AFG3L2: variants seen among roughly 807,000 people sequenced by gnomAD.
The protein encoded by AFG3L2 is AFG3 like matrix AAA peptidase subunit 2, also known as mitochondrial inner membrane m-AAA protease component AFG3L2.
In AFG3L2, 54 loss-of-function variants were observed where a neutral mutation model predicts 94.5. The ratio of observed to expected loss-of-function variants is 0.57; its 90% CI spans 0.46 to 0.72. AFG3L2 has a LOEUF of 0.72. Among genes scored for constraint, AFG3L2 ranks in the 30% least tolerant of loss-of-function variants. AFG3L2 has a pLI of 0.00. For synonymous variants in AFG3L2, 377 were observed against 365.5 expected (o/e 1.03, Z -0.36); for missense variants, 754 against 994.9 (o/e 0.76, Z 3.26).
chr18:12,340,627 G>A lies in AFG3L2; in HGVS notation c.1780-226C>T, dbSNP rs143905181. On this transcript the variant is annotated intron_variant, in intron 14 of 16. Coordinates refer to ENST00000269143, the MANE Select transcript of AFG3L2 (RefSeq NM_006796.3). ...TTTCTTGAGATTGAGATTGAGTCCT[G>A]CTCTGTCACCCAGGCTGGAGTGCAG... Among the ~76,000 whole-genome samples the A allele has an allele frequency of 1.0e-3, 153 of 152,160 alleles. 3 individuals carry two copies. Among genetic ancestry groups the A allele is most frequent in the East Asian group, 9.1e-3 (47 of 5,174 alleles).
At chr18:12,372,002 T>C (rs1909006280) in intron 1 of AFG3L2, among the ~76,000 whole-genome samples, 1 of 152,208 alleles carries the variant, frequency 6.6e-6, no homozygotes, top group Non-Finnish European at 1.5e-5. Flanking sequence ...GTTTAATTTG[T>C]AGCATTCAAA....
At chr18:12,330,955 C>T (rs1907505051) in intron 16 of AFG3L2, among the ~76,000 whole-genome samples, 1 of 152,178 alleles carries the variant, frequency 6.6e-6, no homozygotes, top group South Asian at 2.1e-4. Context: ...AACTTGGGAC[C>T]ATGCATTGGA....
intron 6 of AFG3L2, 72 bp downstream of exon 6, chr18:12,363,710 G>A (rs1046684912): frequency 1.7e-4 from 221 of 1,271,660 alleles, no homozygotes; most frequent in Non-Finnish European, 2.2e-4. Flanking sequence ...TATGAGGCAG[G>A]TTTTCCTTTC....
chr18:12,331,795 A>C (rs1264312450), intron 16 of AFG3L2, among the ~76,000 whole-genome samples: 1 of 93,622 alleles, frequency 1.1e-5, no homozygotes, highest in Non-Finnish European at 2.4e-5. Context: ...GTCTGTCTAA[A>C]AGTAAATAAA....
chr18:12,329,521 C>T lies in AFG3L2; in HGVS notation c.*44G>A. ...AGCCACAGCTGAAATAATGCACCAG[C>T]TGAAACCACAGTGGACAGACTGAGA... On this transcript the variant is annotated 3_prime_UTR_variant, in exon 17 of 17. Transcript: ENST00000269143. 2 of 1,588,560 alleles carry T rather than the reference C, an allele frequency of 1.3e-6. No individual in the cohort carries two copies. Among genetic ancestry groups the T allele is most frequent in the Admixed American group, 3.3e-5 (2 of 59,984 alleles).
intron 1 of AFG3L2, among the ~76,000 whole-genome samples, chr18:12,372,778 C>T (rs1268713757): frequency 6.6e-6 from 1 of 152,194 alleles, no homozygotes. Context: ...AGAAGGCAGA[C>T]ACAAAAGGTC....
intron 14 of AFG3L2, chr18:12,341,732 A>G (rs1395018515): frequency 6.6e-6 from 1 of 152,218 alleles, no homozygotes; most frequent in Non-Finnish European, 1.5e-5. Context: ...TTGCATGGAC[A>G]TAGGTTTTTA....
chr18:12,343,648 C>T lies in AFG3L2; in HGVS notation c.1779+484G>A, dbSNP rs563412192. ...CACTGTGCATGTGTAGTTTAGTTGTCGGCCTGAGATTTGGGCAGTTCCTGC... is the reference window on the plus strand; with the variant it reads ...CACTGTGCATGTGTAGTTTAGTTGTTGGCCTGAGATTTGGGCAGTTCCTGC... On this transcript the variant is annotated intron_variant, in intron 14 of 16. Coordinates refer to ENST00000269143, the MANE Select transcript of AFG3L2 (RefSeq NM_006796.3). 6 of 180,826 alleles carry T rather than the reference C, an allele frequency of 3.3e-5. No individual in the cohort carries two copies. The South Asian group carries it at 3.6e-4, about 11-fold the overall frequency. The allele number at this position is 180,826 out of a possible 1,614,324, so 11.2% of individuals were successfully genotyped here.
At chr18:12,372,429 T>G (rs1209585524) in intron 1 of AFG3L2, among the ~76,000 whole-genome samples, 2 of 152,224 alleles carry the variant, frequency 1.3e-5, no homozygotes, top group Non-Finnish European at 2.9e-5. Context: ...CCCTGTACAC[T>G]GTGCTGGTGA....
chr18:12,371,394 C>T (rs938979804), intron 2 of AFG3L2, among the ~76,000 whole-genome samples, 198 bp downstream of exon 2: 2 of 151,246 alleles, frequency 1.3e-5, no homozygotes, highest in Non-Finnish European at 2.9e-5. Flanking sequence ...TAATATAGTT[C>T]ACAACCCAGA....
intron 12 of AFG3L2, among the ~76,000 whole-genome samples, chr18:12,349,820 G>A (rs1471062158): frequency 6.6e-6 from 1 of 150,766 alleles, no homozygotes; most frequent in South Asian, 2.1e-4. Context: ...CCACCACCAC[G>A]CCCGGCAATT....
At chr18:12,362,817 A>G (rs1004819641) in intron 6 of AFG3L2, among the ~76,000 whole-genome samples, 3 of 152,082 alleles carry the variant, frequency 2.0e-5, no homozygotes, top group African/African-American at 7.2e-5. Context: ...ACACATCCCT[A>G]CTTTCTCCCT....
chr18:12,337,888 G>C (rs1187319033), intron 15 of AFG3L2, among the ~76,000 whole-genome samples: 1 of 152,080 alleles, frequency 6.6e-6, no homozygotes, highest in Non-Finnish European at 1.5e-5. Context: ...TCGAGCCTCA[G>C]CCTCCCAAGC....
intron 9 of AFG3L2, among the ~76,000 whole-genome samples, chr18:12,353,373 G>A (rs1314580076): frequency 1.3e-5 from 2 of 151,984 alleles, no homozygotes; most frequent in African/African-American, 2.4e-5. Context: ...AATTAGGCAG[G>A]CATGGTGGCG....
intron 1 of AFG3L2, among the ~76,000 whole-genome samples, chr18:12,375,389 A>G (rs963863365): frequency 6.7e-6 from 1 of 149,864 alleles, no homozygotes; most frequent in African/African-American, 2.5e-5. Flanking sequence ...GACTATAGTC[A>G]TAAGTCACTG....
At chr18:12,371,529 C>G in intron 2 of AFG3L2, 63 bp downstream of exon 2, 1 of 1,364,684 alleles carries the variant, frequency 7.3e-7, no homozygotes, top group Non-Finnish European at 1.0e-6. Context: ...GAATGGGTTA[C>G]AGAAGGAGAC....
At chr18:12,371,756 T>C in intron 1 of AFG3L2, 65 bp from the exon 2 acceptor site, 1 of 1,314,532 alleles carries the variant, frequency 7.6e-7, no homozygotes. Flanking sequence ...AGAGCTTCAT[T>C]TCCTGGTCAT....
chr18:12,354,072 A>C (rs1908407842), intron 9 of AFG3L2, among the ~76,000 whole-genome samples: 1 of 148,700 alleles, frequency 6.7e-6, no homozygotes, highest in Non-Finnish European at 1.5e-5. Context: ...TCAGCACCTC[A>C]CCATCAGTCA....
At chr18:12,365,268 GA>G (rs938082423) in intron 5 of AFG3L2, among the ~76,000 whole-genome samples, 2 of 152,192 alleles carry the variant, frequency 1.3e-5, no homozygotes, top group East Asian at 3.9e-4. Flanking sequence ...AGAGGGTCAG[GA>G]GGAGCTGCAG....
Sources: gnomAD v4.1 joint callset for allele counts (sites outside exome capture counted in the v4.1 genomes callset) on GRCh38, gnomAD v4.1.1 for gene constraint, MANE v1.5 for transcripts, NCBI Gene and HGNC (gene_info 2026-07-23, HGNC 2026-07-21) for gene names.